Variants in SDK1 observed in about 807,000 individuals in gnomAD.
SDK1 encodes sidekick cell adhesion molecule 1.
In SDK1, 157 loss-of-function variants were observed where a neutral mutation model predicts 245.5. The observed-to-expected ratio is 0.64, with a 90% CI of 0.56 to 0.73. The LOEUF (loss-of-function observed/expected upper bound fraction) is 0.73. Among genes scored for constraint, SDK1 ranks in the 30% least tolerant of loss-of-function variants. SDK1 has a pLI of 0.00. For missense variants in SDK1, 3,583 were observed against 3,002.3 expected (o/e 1.19, Z -4.52); for synonymous variants, 1,647 against 1,278.5 (o/e 1.29, Z -6.15).
At chr7:3,871,518 T>C (rs1486691387) in intron 5 of SDK1, among the ~76,000 whole-genome samples, 4 of 152,238 alleles carry the variant, frequency 2.6e-5, no homozygotes, top group African/African-American at 7.2e-5. Flanking sequence ...AGAGGTTTAT[T>C]TGGCTCATGG....
At position 4,214,695 on chromosome 7, in the gene SDK1, G is replaced by A. The variant is rs138589723; in HGVS notation, c.5539+4533G>A. ...GGGCTTGGGCACGTTCCAGACTTCG[G>A]ATTCCTGCACATCAGTCAAGCAGCG... On this transcript the variant is annotated intron_variant, in intron 38 of 44. Transcript: ENST00000404826. 1.7e-4 allele frequency among the ~76,000 whole-genome samples: 26 copies of A among 152,320 alleles called. No homozygotes were observed. The East Asian group carries it at 4.8e-3, about 28-fold the overall frequency.
chr7:3,806,324 ATGTGGATGTC>A (rs879755811), intron 4 of SDK1, among the ~76,000 whole-genome samples: 5,613 of 141,164 alleles, frequency 0.04, 254 homozygotes, highest in African/African-American at 0.12. Flanking sequence ...CCACATTAGG[ATGTGGATGTC>A]CACATTAGGA....
At chr7:3,577,944 G>T (rs1032635744) in intron 1 of SDK1, among the ~76,000 whole-genome samples, 2 of 152,032 alleles carry the variant, frequency 1.3e-5, no homozygotes, top group Non-Finnish European at 2.9e-5. Flanking sequence ...TTAGAGAAAT[G>T]ATTAGAAGGA....
At chr7:3,974,853 C>T (rs555041901) in intron 13 of SDK1, 23 of 233,410 alleles carry the variant, frequency 9.9e-5, no homozygotes, top group Middle Eastern at 1.5e-3. Context: ...TACCACTCTG[C>T]GCTTAAGTAG....
At chr7:3,313,468 C>T (rs1192376436) in intron 1 of SDK1, among the ~76,000 whole-genome samples, 2 of 152,138 alleles carry the variant, frequency 1.3e-5, no homozygotes, top group Non-Finnish European at 2.9e-5. Context: ...GTTGGAACTA[C>T]TAAAAAATGC....
intron 2 of SDK1, among the ~76,000 whole-genome samples, chr7:3,629,318 A>C (rs909346020): frequency 2.6e-4 from 39 of 151,876 alleles, no homozygotes; most frequent in Admixed American, 2.2e-3. Context: ...AAAAGAAAAA[A>C]AAGAAAAAAA....
chr7:3,510,338 G>C (rs1358425235), intron 1 of SDK1, among the ~76,000 whole-genome samples: 1 of 152,126 alleles, frequency 6.6e-6, no homozygotes, highest in Admixed American at 6.6e-5. Flanking sequence ...ACGTTCTGCT[G>C]TCACAGTAGG....
At chr7:3,515,238 T>C (rs766813132) in intron 1 of SDK1, among the ~76,000 whole-genome samples, 1 of 152,156 alleles carries the variant, frequency 6.6e-6, no homozygotes, top group Non-Finnish European at 1.5e-5. Context: ...GTGACCCTGC[T>C]GAGAGAACAC....
chr7:4,140,941 T>A (rs924361826), intron 28 of SDK1, among the ~76,000 whole-genome samples: 2 of 152,140 alleles, frequency 1.3e-5, no homozygotes, highest in Admixed American at 1.3e-4. Context: ...ATCTCTATTT[T>A]AAATTTTTAA....
rs1232298241 is a variant in SDK1 at position 3,929,633 on chromosome 7, A to T, written c.848-21290A>T. Among the ~76,000 whole-genome samples, 3 of 152,124 alleles carry T rather than the reference A, an allele frequency of 2.0e-5. No individual in the cohort carries two copies. In the East Asian group the frequency reaches 5.8e-4, roughly 29 times the overall value. On this transcript the variant is annotated intron_variant, in intron 5 of 44. Transcript: ENST00000404826. ...TGATTGAAGTGTTATCTTTTGTAAT[A>T]TACTCCTGGAGGGTTGTAGGGATTT... is the stretch of plus-strand genomic sequence containing the variant.
chr7:3,889,856 TCTC>T (rs1308038493), intron 5 of SDK1, among the ~76,000 whole-genome samples: 3 of 152,174 alleles, frequency 2.0e-5, no homozygotes, highest in South Asian at 4.1e-4. Flanking sequence ...AGGTAACTAG[TCTC>T]CTGCTGGTCT....
intron 4 of SDK1, among the ~76,000 whole-genome samples, chr7:3,675,977 C>T (rs920278301): frequency 6.6e-6 from 1 of 152,118 alleles, no homozygotes; most frequent in South Asian, 2.1e-4. Flanking sequence ...AATATTTTCT[C>T]CCATTCTGTA....
At chr7:4,145,395 GA>G (rs1779894216) in intron 28 of SDK1, among the ~76,000 whole-genome samples, 1 of 152,190 alleles carries the variant, frequency 6.6e-6, no homozygotes, top group African/African-American at 2.4e-5. Context: ...CAGAGACTGA[GA>G]AGCCACAGCC....
intron 1 of SDK1, among the ~76,000 whole-genome samples, chr7:3,541,249 C>G (rs1165992387): frequency 6.6e-6 from 1 of 152,204 alleles, no homozygotes; most frequent in East Asian, 1.9e-4. Flanking sequence ...GTAAATTAGT[C>G]TGAGTGCTTT....
At chr7:3,985,413 AT>A (rs1783744153) in intron 13 of SDK1, among the ~76,000 whole-genome samples, 1 of 152,240 alleles carries the variant, frequency 6.6e-6, no homozygotes, top group African/African-American at 2.4e-5. Context: ...GGAATAGGAA[AT>A]GGGGCTTGGG....
At chr7:3,349,638 C>T (rs898293383) in intron 1 of SDK1, among the ~76,000 whole-genome samples, 23 of 152,092 alleles carry the variant, frequency 1.5e-4, no homozygotes, top group African/African-American at 5.6e-4. Context: ...CTGGCTCGGT[C>T]GCCCAGGCTG....
intron 2 of SDK1, among the ~76,000 whole-genome samples, chr7:3,631,802 G>C (rs976161540): frequency 6.6e-6 from 1 of 152,160 alleles, no homozygotes; most frequent in Non-Finnish European, 1.5e-5. Context: ...GCTAAGTGAA[G>C]ACCTTGCCAG....
intron 1 of SDK1, among the ~76,000 whole-genome samples, chr7:3,393,975 A>G (rs1466570788): frequency 2.6e-5 from 4 of 152,134 alleles, no homozygotes; most frequent in African/African-American, 7.2e-5. Flanking sequence ...ATTTGTACCC[A>G]TCCTTCTTGG....
At chr7:3,585,648 AG>A (rs1266934657) in intron 1 of SDK1, among the ~76,000 whole-genome samples, 2 of 152,076 alleles carry the variant, frequency 1.3e-5, no homozygotes, top group Non-Finnish European at 2.9e-5. Flanking sequence ...CAGAGAACAG[AG>A]GGGGCATACA....
Sources: allele counts gnomAD v4.1 joint callset (sites outside exome capture counted in the v4.1 genomes callset), GRCh38; gene constraint gnomAD v4.1.1; transcripts MANE v1.5; gene names NCBI Gene and HGNC (gene_info 2026-07-23, HGNC 2026-07-21).